ARB2A: variants seen among roughly 807,000 people sequenced by gnomAD.
ARB2A encodes the protein ARB2 cotranscriptional regulator A.
At chr5:94,109,130 A>G in the ARB2A span, among the ~76,000 whole-genome samples, 1 of 152,240 alleles carries the variant, frequency 6.6e-6, no homozygotes, top group African/African-American at 2.4e-5. Context: ...ACACGCTACA[A>G]CATGGACGAA....
chr5:93,972,400 C>A, the ARB2A span, among the ~76,000 whole-genome samples: 1 of 151,898 alleles, frequency 6.6e-6, no homozygotes, highest in African/African-American at 2.4e-5. Context: ...ACAATACACA[C>A]CACAGTCATA....
chr5:94,085,088 C>T, the ARB2A span, among the ~76,000 whole-genome samples: 1 of 152,158 alleles, frequency 6.6e-6, no homozygotes, highest in African/African-American at 2.4e-5. Flanking sequence ...ATAAATTAAA[C>T]TACTCTGGAA....
At chr5:93,703,362 A>G in the ARB2A span, among the ~76,000 whole-genome samples, 1 of 152,182 alleles carries the variant, frequency 6.6e-6, no homozygotes, top group Non-Finnish European at 1.5e-5. Flanking sequence ...ACCTCTGTTT[A>G]CTCATCTGTA....
the ARB2A span, among the ~76,000 whole-genome samples, chr5:93,784,728 C>G: frequency 2.4e-4 from 37 of 152,182 alleles, no homozygotes; most frequent in African/African-American, 8.4e-4. Flanking sequence ...CTTAGAACTA[C>G]GCAGCTCTAT....
chr5:93,658,002 G>T, the ARB2A span, among the ~76,000 whole-genome samples: 5 of 151,906 alleles, frequency 3.3e-5, no homozygotes, highest in South Asian at 2.1e-4. Flanking sequence ...TAAATGAATG[G>T]CTATTATCTA....
the ARB2A span, among the ~76,000 whole-genome samples, chr5:93,945,170 T>C: frequency 0.013 from 1,913 of 152,246 alleles, 45 homozygotes; most frequent in African/African-American, 0.044. Context: ...AGGCCACGTG[T>C]GGCGGCTCAC....
the ARB2A span, among the ~76,000 whole-genome samples, chr5:93,899,587 G>A: frequency 2.0e-4 from 30 of 152,050 alleles, no homozygotes; most frequent in Non-Finnish European, 3.2e-4. Flanking sequence ...GACATAAGAG[G>A]GGAACAGGAG....
chr5:93,768,129 T>TA, the ARB2A span, among the ~76,000 whole-genome samples: 1 of 150,788 alleles, frequency 6.6e-6, no homozygotes, highest in Non-Finnish European at 1.5e-5. Context: ...TTCTCACTGA[T>TA]ATGTGGGAGC....
the ARB2A span, among the ~76,000 whole-genome samples, chr5:93,919,524 G>T: frequency 7.9e-5 from 12 of 152,116 alleles, no homozygotes; most frequent in Admixed American, 1.3e-4. Flanking sequence ...TTCTTAAGAT[G>T]AAAATTGGAG....
chr5:93,958,782 C>A, the ARB2A span: 1 of 1,510,822 alleles, frequency 6.6e-7, no homozygotes, highest in Non-Finnish European at 8.9e-7. Context: ...CTTACAGCCA[C>A]AGCTCTTTTA....
the ARB2A span, among the ~76,000 whole-genome samples, chr5:93,873,636 A>C: frequency 6.6e-6 from 1 of 152,214 alleles, no homozygotes; most frequent in Admixed American, 6.5e-5. Flanking sequence ...TCTAAAATGA[A>C]GAAACAGGTA....
At chr5:93,944,211 C>T in the ARB2A span, among the ~76,000 whole-genome samples, 60 of 152,166 alleles carry the variant, frequency 3.9e-4, no homozygotes, top group Middle Eastern at 3.4e-3. Context: ...GTCACCGGAA[C>T]GGCCAGGTTA....
the ARB2A span, among the ~76,000 whole-genome samples, chr5:93,864,567 C>A: frequency 0.93 from 141,219 of 152,226 alleles, 65,638 homozygotes; most frequent in East Asian, 1. Context: ...TTCAACAAAA[C>A]AATCATGCTA....
the ARB2A span, among the ~76,000 whole-genome samples, chr5:93,984,654 C>G: frequency 6.6e-6 from 1 of 152,132 alleles, no homozygotes; most frequent in Non-Finnish European, 1.5e-5. Context: ...ATTCTGTGCC[C>G]TTCTTTTAAC....
At chr5:93,903,585 T>C in the ARB2A span, among the ~76,000 whole-genome samples, 124 of 152,132 alleles carry the variant, frequency 8.2e-4, 1 homozygote, top group Middle Eastern at 0.01. Context: ...GTTGTTGGTT[T>C]TCTACCAAAA....
At chr5:93,870,676 G>A in the ARB2A span, among the ~76,000 whole-genome samples, 716 of 152,298 alleles carry the variant, frequency 4.7e-3, 3 homozygotes, top group African/African-American at 0.016. Flanking sequence ...TAGCACCTAC[G>A]AAGGCAGTGA....
the ARB2A span, among the ~76,000 whole-genome samples, chr5:94,079,360 C>A: frequency 7.4e-4 from 112 of 152,244 alleles, 2 homozygotes; most frequent in Non-Finnish European, 2.4e-4. Context: ...CTATTCTTAT[C>A]CATTATCTGA....
At chr5:94,038,888 T>A in the ARB2A span, among the ~76,000 whole-genome samples, 2 of 152,144 alleles carry the variant, frequency 1.3e-5, no homozygotes, top group South Asian at 4.2e-4. Flanking sequence ...TCTTCAATCT[T>A]GAGCATATCA....
the ARB2A span, among the ~76,000 whole-genome samples, chr5:93,794,689 G>A: frequency 6.6e-6 from 1 of 152,114 alleles, no homozygotes; most frequent in Non-Finnish European, 1.5e-5. Flanking sequence ...TTGCTCTTCT[G>A]GGTCTAGACA....
Sources: allele counts gnomAD v4.1 joint callset (sites outside exome capture counted in the v4.1 genomes callset), GRCh38; gene constraint gnomAD v4.1.1; transcripts MANE v1.5; gene names NCBI Gene and HGNC (gene_info 2026-07-23, HGNC 2026-07-21).